The following KCNT1 variants were observed in gnomAD, a reference collection of about 807,000 sequenced individuals.
KCNT1 encodes the protein potassium sodium-activated channel subfamily T member 1, also known as potassium channel subfamily T member 1.
In KCNT1, 78 loss-of-function variants were observed where a neutral mutation model predicts 147.8. The ratio of observed to expected loss-of-function variants is 0.53; its 90% CI spans 0.44 to 0.64. KCNT1 has a LOEUF of 0.64. Ranked by LOEUF, KCNT1 falls within the 30% of genes least tolerant of loss-of-function variation. The probability of loss-of-function intolerance (pLI) is 0.00; values close to 1 mark genes in which losing one functional copy is unlikely to be tolerated. For synonymous variants in KCNT1, 867 were observed against 748.8 expected, an observed-to-expected ratio of 1.16 and a Z score of -2.58; for missense variants, 1,419 against 1,750.3, an observed-to-expected ratio of 0.81 and a Z score of 3.38.
chr9:135,785,982 C>CA (rs1281053881), intron 28 of KCNT1: 3 of 578,186 alleles, frequency 5.2e-6, no homozygotes, highest in Non-Finnish European at 9.1e-6. Flanking sequence ...GCCCGGCGAT[C>CA]TGTGCTCAGG....
chr9:135,748,460 C>T (rs1234049907), intron 2 of KCNT1, among the ~76,000 whole-genome samples: 1 of 152,252 alleles, frequency 6.6e-6, no homozygotes, highest in Non-Finnish European at 1.5e-5. Flanking sequence ...CCAGGCCAGG[C>T]AGTGACATCA....
At chr9:135,731,987 TATATAGAGAGAGAGAG>T (rs1317664992) in intron 2 of KCNT1, among the ~76,000 whole-genome samples, 49 of 21,824 alleles carry the variant, frequency 2.2e-3, no homozygotes, top group Admixed American at 0.011. Flanking sequence ...TATATATATA[TATATAGAGAGAGAGAG>T]AGAGAGAGAG....
chr9:135,745,036 C>T (rs1830751859), intron 2 of KCNT1, among the ~76,000 whole-genome samples: 2 of 152,196 alleles, frequency 1.3e-5, no homozygotes, highest in Admixed American at 6.5e-5. Context: ...GGTCGGGACC[C>T]GTGGCCGGGG....
In KCNT1 at chr9:135,714,790, C is replaced by A; in HGVS notation, c.254+70C>A. On this transcript the variant is annotated intron_variant, in intron 2 of 30. Transcript: ENST00000371757. The surrounding 1 kb of genome is among the most constrained non-coding windows in gnomAD (Gnocchi z 6.2). The stretch of plus-strand genomic sequence containing the variant: ...GCCGCCGCACGCCCGGAGCTGTCCG[C>A]GGTGCTGACGGCCGGTCCCGCGCGC... 9.4e-7 allele frequency: 1 copy of A among 1,060,278 alleles called. No homozygotes were observed. Among genetic ancestry groups the A allele is most frequent in the Non-Finnish European group, 1.2e-6 (1 of 857,698 alleles). 65.7% of individuals were successfully genotyped at this position (1,060,278 alleles called of 1,614,324 possible).
At chr9:135,757,013 C>CCCCCCCCCCCCCTTT in intron 7 of KCNT1, 81 bp downstream of exon 7, 1 of 1,154,860 alleles carries the variant, frequency 8.7e-7, no homozygotes, top group Admixed American at 2.0e-5. Flanking sequence ...CTCCCCCACC[C>CCCCCCCCCCCCCTTT]TCTCCTATTT....
intron 2 of KCNT1, among the ~76,000 whole-genome samples, chr9:135,721,309 G>C (rs908611264): frequency 6.6e-6 from 1 of 152,226 alleles, no homozygotes; most frequent in Admixed American, 6.5e-5. Flanking sequence ...GGTGGGGTAG[G>C]GGGTGGTTAT....
At chr9:135,703,573 C>G (rs553875965) in intron 1 of KCNT1, among the ~76,000 whole-genome samples, 1 of 152,296 alleles carries the variant, frequency 6.6e-6, no homozygotes, top group South Asian at 2.1e-4. Context: ...GAAGTGGGCA[C>G]AGCCTGGACG....
rs772199208 is a variant in KCNT1, at chr9:135,772,773, G to A, written c.2067G>A (p.Gly689=). ...ACCGGCCTACGCAGAGCGGCGGTGGGGGCGGGGGCAGCAAGCTGGCACTGC... is the reference window on the plus strand; with the variant it reads ...ACCGGCCTACGCAGAGCGGCGGTGGAGGCGGGGGCAGCAAGCTGGCACTGC... ...TEHRPTQSGG[G]GGGSKLALPT... is the part of the protein sequence containing the mutation. Residue 689 remains glycine, a synonymous_variant, in exon 19 of 31, where the codon GGG becomes GGA. Transcript: ENST00000371757. The A allele has an allele frequency of 4.0e-6, 6 of 1,485,440 alleles. No homozygotes were observed. The highest frequency in any genetic ancestry group is 4.5e-6 in the Non-Finnish European group (5 of 1,115,360). The allele number at this position is 1,485,440 out of a possible 1,614,324, so 92.0% of individuals were successfully genotyped here.
chr9:135,780,068 C>A (rs1402127761), intron 24 of KCNT1, among the ~76,000 whole-genome samples: 1 of 152,222 alleles, frequency 6.6e-6, no homozygotes, highest in African/African-American at 2.4e-5. Context: ...ATGAAGGGCA[C>A]CACCCAGGGT....
chr9:135,783,876 A>G lies in KCNT1; in HGVS notation c.2842-148A>G, dbSNP rs1209058370. 6 of 651,128 alleles carry G rather than the reference A, an allele frequency of 9.2e-6. No homozygotes were observed. The Admixed American group carries it at 1.3e-4, about 14-fold the overall frequency. The allele number at this position is 651,128 out of a possible 1,614,324, so 40.3% of individuals were successfully genotyped here. ...GCACACATGCAGACACACACTGTGTACACGTGGACACACACACCATGCACA... is the reference window on the plus strand; with the variant it reads ...GCACACATGCAGACACACACTGTGTGCACGTGGACACACACACCATGCACA... On this transcript the variant is annotated intron_variant, in intron 24 of 30. Transcript: ENST00000371757.
intron 6 of KCNT1, 85 bp downstream of exon 6, chr9:135,755,254 C>A: frequency 8.1e-7 from 1 of 1,240,958 alleles, no homozygotes; most frequent in Non-Finnish European, 1.1e-6. Flanking sequence ...AAGTAGGGAA[C>A]CCAGGCTCGG....
intron 24 of KCNT1, among the ~76,000 whole-genome samples, chr9:135,783,247 C>A (rs765499553): frequency 1.3e-5 from 2 of 152,216 alleles, no homozygotes; most frequent in Non-Finnish European, 2.9e-5. Context: ...CCGGCAGGTT[C>A]ACGCCGTCAG....
chr9:135,791,417 G>A, intron 29 of KCNT1: 1 of 241,150 alleles, frequency 4.1e-6, no homozygotes, highest in Non-Finnish European at 8.2e-6. Flanking sequence ...AGGCATGCAT[G>A]CATGTGAGGT....
At chr9:135,709,603 A>C (rs959158386) in intron 1 of KCNT1, among the ~76,000 whole-genome samples, 2 of 152,082 alleles carry the variant, frequency 1.3e-5, no homozygotes, top group Non-Finnish European at 2.9e-5. Flanking sequence ...GCATCTCTCT[A>C]ATTATTAGCT....
In KCNT1 at chr9:135,730,363, C is replaced by T. The variant is rs900445564; in HGVS notation, c.254+15643C>T. On this transcript the variant is annotated intron_variant, in intron 2 of 30. Coordinates refer to ENST00000371757, the MANE Select transcript of KCNT1 (RefSeq NM_020822.3). This position sits in a 1 kb window ranked among gnomAD's most constrained non-coding sequence, Gnocchi z 4.7. ...CCCATGACTATGTAACCATGCGTGG[C>T]GAGGGGGACCACACGTGGTGAGGGG... 3.9e-5 allele frequency among the ~76,000 whole-genome samples: 6 copies of T among 152,076 alleles called. No individual in the cohort carries two copies. Among genetic ancestry groups the T allele is most frequent in the Non-Finnish European group, 5.9e-5 (4 of 68,030 alleles).
At position 135,786,463 on chromosome 9, in the gene KCNT1, G is replaced by T; in HGVS notation, c.3444G>T (p.Glu1148Asp). Residue 1148 changes from glutamate to aspartate, a missense_variant, in exon 29 of 31, where the codon GAG becomes GAT. Glu to Asp is a conservative substitution (Grantham distance 45). Transcript: ENST00000371757. ...TGTACCGGCGCTCTGAGCGCCAGGA[G>T]CTCTCCGAGCTGGTGAAGAACCGCA... ...LSLYRRSERQ[E>D]LSELVKNRMK... The T allele has an allele frequency of 6.2e-7, 1 of 1,602,646 alleles. No homozygotes were observed. Among genetic ancestry groups the T allele is most frequent in the Non-Finnish European group, 8.5e-7 (1 of 1,176,062 alleles).
chr9:135,705,457 G>A (rs960091437), intron 1 of KCNT1, among the ~76,000 whole-genome samples: 3 of 152,348 alleles, frequency 2.0e-5, no homozygotes, highest in South Asian at 2.1e-4. Flanking sequence ...CCAGGCAGGC[G>A]CACCGTGGGC....
intron 2 of KCNT1, among the ~76,000 whole-genome samples, chr9:135,727,420 C>T: frequency 7.3e-6 from 1 of 137,720 alleles, no homozygotes; most frequent in African/African-American, 2.7e-5. Context: ...TCTCTTTTCC[C>T]TTCTCTCCCC....
At chr9:135,722,795 C>T (rs562499719) in intron 2 of KCNT1, among the ~76,000 whole-genome samples, 3 of 152,278 alleles carry the variant, frequency 2.0e-5, no homozygotes, top group Admixed American at 6.5e-5. Context: ...TCCCGAGGCC[C>T]CACTCTCATG....
Sources: allele counts gnomAD v4.1 joint callset (sites outside exome capture counted in the v4.1 genomes callset), GRCh38; gene constraint gnomAD v4.1.1; non-coding constraint Gnocchi (gnomAD v3.1); transcripts MANE v1.5; gene names NCBI Gene and HGNC (gene_info 2026-07-23, HGNC 2026-07-21).